The following EPSTI1 variants were observed in gnomAD, a reference collection of about 807,000 sequenced individuals.
EPSTI1 encodes epithelial-stromal interaction protein 1.
EPSTI1 carries 66 observed loss-of-function variants against 49.9 expected under a neutral mutation model. The observed-to-expected ratio is 1.32, with a 90% CI of 1.08 to 1.62. The LOEUF is 1.62. Ranked by LOEUF, EPSTI1 falls within the 40% of genes most tolerant of loss-of-function variation. EPSTI1 has a pLI of 0.00. For missense variants in EPSTI1, 394 were observed against 365.5 expected, an observed-to-expected ratio of 1.08 and a Z score of -0.64; for synonymous variants, 137 against 130.7, an observed-to-expected ratio of 1.05 and a Z score of -0.33.
chr13:42,886,507 C>CAAAA lies in EPSTI1; in HGVS notation c.*1983_*1986dup, dbSNP rs879007566. The CAAAA allele has an allele frequency of 1.4e-4, 20 of 146,020 alleles. No homozygotes were observed. The highest frequency in any genetic ancestry group is 1.4e-3 in the Admixed American group (20 of 14,718). 9.0% of individuals were successfully genotyped at this position (146,020 alleles called of 1,614,324 possible). On this transcript the variant is annotated 3_prime_UTR_variant, in exon 11 of 11. Transcript: ENST00000313624. ...ACGATTTTCTTGTTTTTATTTTCTA[C>CAAAA]AAAAAAAAAAGCGGGGGGACATTAA...
At chr13:42,985,933 C>G (rs2040069607) in intron 1 of EPSTI1, among the ~76,000 whole-genome samples, 1 of 152,234 alleles carries the variant, frequency 6.6e-6, no homozygotes, top group Non-Finnish European at 1.5e-5. Context: ...AAGAAACAAA[C>G]TTGAGGCTTG....
rs12861217 is a variant in EPSTI1 at position 42,908,484 on chromosome 13, G to T, written c.742-8101C>A. Among the ~76,000 whole-genome samples, 44 of 113,348 alleles carry T rather than the reference G, an allele frequency of 3.9e-4. 1 individual carries two copies. The highest frequency in any genetic ancestry group is 6.0e-4 in the South Asian group (2 of 3,360). 74.4% of individuals were successfully genotyped at this position (113,348 alleles called of 152,430 possible). A position where few individuals can be genotyped will look rare whatever the true frequency, so the allele number is the denominator to read the frequency against. Reference sequence around the variant, plus strand: ...CTGGGTGACAGAGAGACTCTGTTATGAAAAAAAAAAAAAAAAAAAGGAAAA... The same window carrying T: ...CTGGGTGACAGAGAGACTCTGTTATTAAAAAAAAAAAAAAAAAAAGGAAAA... On this transcript the variant is annotated intron_variant, in intron 8 of 10. Transcript: ENST00000313624.
Position 42,955,882 on chromosome 13 carries a change from G to C in EPSTI1, c.490-1861C>G, listed in dbSNP as rs539276060. Among the ~76,000 whole-genome samples, 45 of 144,606 alleles carry C rather than the reference G, an allele frequency of 3.1e-4. 1 individual carries two copies. The highest frequency in any genetic ancestry group is 5.3e-4 in the African/African-American group (21 of 39,476). 94.9% of individuals were successfully genotyped at this position (144,606 alleles called of 152,430 possible). A position where few individuals can be genotyped will look rare whatever the true frequency, so the allele number is the denominator to read the frequency against. On this transcript the variant is annotated intron_variant, in intron 5 of 10. Transcript: ENST00000313624. ...ATAGTTGATGAAGAAGTATTTGGGG[G>C]GGGGGGGAAGTAGTAGTAGTAGTAT...
In EPSTI1 at chr13:42,926,429, G is replaced by A; in HGVS notation, c.564C>T (p.Tyr188=). ...RREAFREHQQ[Y]KTAEFLSKLN... ...GTTTGCTCAAGAACTCAGCGGTTTT[G>A]CTACCAGAAACACAAACAGGTGTTA... Residue 188 remains tyrosine, a splice_region_variant and synonymous_variant, in exon 7 of 11, where the codon TAC becomes TAT. Coordinates refer to ENST00000313624, the MANE Select transcript of EPSTI1 (RefSeq NM_033255.5). The A allele has an allele frequency of 6.2e-7, 1 of 1,604,138 alleles. No homozygotes were observed. The highest frequency in any genetic ancestry group is 8.5e-7 in the Non-Finnish European group (1 of 1,170,918).
intron 6 of EPSTI1, among the ~76,000 whole-genome samples, chr13:42,928,306 T>C (rs1271936921): frequency 6.6e-6 from 1 of 152,188 alleles, no homozygotes; most frequent in East Asian, 1.9e-4. Context: ...TTGGCTGAAC[T>C]GAAGTGGGAT....
chr13:42,931,438 C>T (rs1594671256), intron 6 of EPSTI1, among the ~76,000 whole-genome samples: 1 of 151,890 alleles, frequency 6.6e-6, no homozygotes, highest in South Asian at 2.1e-4. Flanking sequence ...ATCTCCTGAC[C>T]TCATGATCCA....
rs1201718584 is a variant in EPSTI1, at chr13:42,886,757, GAAGT to G, written c.*1733_*1736del. The G allele has an allele frequency of 1.3e-5, 2 of 152,272 alleles. No homozygotes were observed. The highest frequency in any genetic ancestry group is 1.9e-4 in the East Asian group (1 of 5,180). The allele number at this position is 152,272 out of a possible 1,614,324, so 9.4% of individuals were successfully genotyped here. A position where few individuals can be genotyped will look rare whatever the true frequency, so the allele number is the denominator to read the frequency against. The stretch of plus-strand genomic sequence containing the variant: ...ACATATTCTAGATAGTTCTGGTCAT[GAAGT>G]AAGTCACAATTTTCCATATCTGCAC... On this transcript the variant is annotated 3_prime_UTR_variant, in exon 11 of 11. Coordinates refer to ENST00000313624, the MANE Select transcript of EPSTI1 (RefSeq NM_033255.5).
chr13:42,917,442 G>T (rs2037861282), intron 8 of EPSTI1, 99 bp downstream of exon 8: 2 of 1,039,766 alleles, frequency 1.9e-6, no homozygotes, highest in East Asian at 4.8e-5. Context: ...TTGTTTTCAG[G>T]ATTTTCATGT....
chr13:42,908,377 T>C (rs939908387), intron 8 of EPSTI1, among the ~76,000 whole-genome samples: 12 of 151,200 alleles, frequency 7.9e-5, no homozygotes, highest in African/African-American at 2.9e-4. Context: ...TCCCAGATAC[T>C]TGGGAGGCTG....
At chr13:42,958,379 T>C (rs1012836643) in intron 5 of EPSTI1, among the ~76,000 whole-genome samples, 7 of 152,070 alleles carry the variant, frequency 4.6e-5, no homozygotes, top group Non-Finnish European at 8.8e-5. Flanking sequence ...CAGACCACTA[T>C]ATGGAAAATT....
At chr13:42,916,324 T>C (rs2037830353) in intron 8 of EPSTI1, among the ~76,000 whole-genome samples, 1 of 151,718 alleles carries the variant, frequency 6.6e-6, no homozygotes, top group African/African-American at 2.4e-5. Context: ...TCGTCTTTCT[T>C]ACACAGGAGC....
chr13:42,890,850 T>C (rs1183660830), intron 10 of EPSTI1, among the ~76,000 whole-genome samples: 1 of 152,126 alleles, frequency 6.6e-6, no homozygotes, highest in African/African-American at 2.4e-5. Flanking sequence ...TTAACGGAAA[T>C]GTTTTTAATG....
At position 42,887,132 on chromosome 13, in the gene EPSTI1, A is replaced by C; in HGVS notation, c.*1362T>G. On this transcript the variant is annotated 3_prime_UTR_variant, in exon 11 of 11. Transcript: ENST00000313624. ...CTGGGGGATTGAGTTTCCCCCATAT[A>C]AGGCAATGACAAGGATTTCAAATGG... 6.6e-6 allele frequency: 1 copy of C among 152,194 alleles called. No homozygotes were observed. The highest frequency in any genetic ancestry group is 1.9e-4 in the East Asian group (1 of 5,198). The allele number at this position is 152,194 out of a possible 1,614,324, so 9.4% of individuals were successfully genotyped here. A position where few individuals can be genotyped will look rare whatever the true frequency, so the allele number is the denominator to read the frequency against.
At chr13:42,892,445 T>G (rs544729972) in intron 10 of EPSTI1, among the ~76,000 whole-genome samples, 3 of 152,208 alleles carry the variant, frequency 2.0e-5, no homozygotes, top group Non-Finnish European at 2.9e-5. Flanking sequence ...TTGGATGTAT[T>G]GGGAAGGAAG....
chr13:42,977,875 G>C (rs1227396715), intron 1 of EPSTI1, among the ~76,000 whole-genome samples: 1 of 152,198 alleles, frequency 6.6e-6, no homozygotes, highest in East Asian at 1.9e-4. Context: ...TAAAGGCCTG[G>C]TGTGGTGGCT....
intron 5 of EPSTI1, among the ~76,000 whole-genome samples, chr13:42,960,190 G>A (rs1027458158): frequency 7.3e-5 from 11 of 151,276 alleles, no homozygotes; most frequent in Admixed American, 1.3e-4. Context: ...TATGTAGATC[G>A]AAGGCAGAAT....
Position 42,937,955 on chromosome 13 carries a change from T to A in EPSTI1, c.564-11526A>T, listed in dbSNP as rs146030084. On this transcript the variant is annotated intron_variant, in intron 6 of 10. Transcript: ENST00000313624. ...AAAATCTATTTCTTAAATAATAAGATGTGAACATCAGATTTATTCCTTGAT... is the reference window on the plus strand; with the variant it reads ...AAAATCTATTTCTTAAATAATAAGAAGTGAACATCAGATTTATTCCTTGAT... Among the ~76,000 whole-genome samples, 435 of 152,304 alleles carry A rather than the reference T, an allele frequency of 2.9e-3. 10 individuals are homozygous for A. The highest frequency in any genetic ancestry group is 0.021 in the Admixed American group (328 of 15,312).
intron 7 of EPSTI1, among the ~76,000 whole-genome samples, chr13:42,918,351 C>A (rs1324112221): frequency 6.6e-6 from 1 of 152,156 alleles, no homozygotes; most frequent in African/African-American, 2.4e-5. Flanking sequence ...TGCTTTCTCT[C>A]CTTCACATTG....
chr13:42,899,453 C>T (rs1329338150), intron 9 of EPSTI1, among the ~76,000 whole-genome samples: 1 of 152,062 alleles, frequency 6.6e-6, no homozygotes, highest in Non-Finnish European at 1.5e-5. Context: ...AAGTGAGCTC[C>T]CCGCCCACAG....
Sources: allele counts gnomAD v4.1 joint callset (sites outside exome capture counted in the v4.1 genomes callset), GRCh38; gene constraint gnomAD v4.1.1; transcripts MANE v1.5; gene names NCBI Gene and HGNC (gene_info 2026-07-23, HGNC 2026-07-21).